The following AUTS2 variants were observed in gnomAD, a reference collection of about 807,000 sequenced individuals.
AUTS2 encodes activator of transcription and developmental regulator AUTS2, also known as autism susceptibility gene 2 protein.
In AUTS2, 17 loss-of-function variants were observed where a neutral mutation model predicts 112.4. The observed-to-expected ratio is 0.15, with a 90% CI of 0.10 to 0.23. The LOEUF (loss-of-function observed/expected upper bound fraction) is 0.23. Ranked by LOEUF, AUTS2 falls within the 10% of genes least tolerant of loss-of-function variation. AUTS2 has a pLI of 1.00. For missense variants in AUTS2, 1,510 were observed against 1,701.6 expected, an observed-to-expected ratio of 0.89 and a Z score of 1.98; for synonymous variants, 751 against 702.7, an observed-to-expected ratio of 1.07 and a Z score of -1.09.
intron 1 of AUTS2, among the ~76,000 whole-genome samples, chr7:69,851,491 C>A (rs905496094): frequency 2.0e-5 from 3 of 152,164 alleles, no homozygotes; most frequent in African/African-American, 7.2e-5. Flanking sequence ...CACAAGCAAT[C>A]CCCCCACCTT....
At chr7:70,066,397 GAC>G (rs1398259768) in intron 2 of AUTS2, among the ~76,000 whole-genome samples, 1 of 152,022 alleles carries the variant, frequency 6.6e-6, no homozygotes, top group Non-Finnish European at 1.5e-5. Flanking sequence ...TCCAAGGGAA[GAC>G]AAATATTTAA....
intron 4 of AUTS2, among the ~76,000 whole-genome samples, chr7:70,239,487 G>A (rs958735316): frequency 6.6e-6 from 1 of 151,976 alleles, no homozygotes; most frequent in Non-Finnish European, 1.5e-5. Context: ...CCAGGCTGGA[G>A]TGCAATGGTG....
chr7:70,670,118 T>TA (rs1445077577), intron 5 of AUTS2, among the ~76,000 whole-genome samples: 3 of 152,216 alleles, frequency 2.0e-5, no homozygotes, highest in African/African-American at 7.2e-5. Flanking sequence ...TGTAGACTGT[T>TA]ACTGTCTGAG....
intron 6 of AUTS2, among the ~76,000 whole-genome samples, chr7:70,728,707 C>CAAAAAA (rs55878540): frequency 3.7e-5 from 3 of 81,626 alleles, no homozygotes; most frequent in African/African-American, 1.6e-4. Flanking sequence ...GACTCTGTCT[C>CAAAAAA]AAAAAAAAAA....
chr7:69,752,845 T>C (rs1358654771), intron 1 of AUTS2, among the ~76,000 whole-genome samples: 1 of 152,082 alleles, frequency 6.6e-6, no homozygotes, highest in Non-Finnish European at 1.5e-5. Context: ...CAGGGGAAAT[T>C]GGAAATGAAG....
At chr7:70,295,103 C>A (rs1280825142) in intron 4 of AUTS2, among the ~76,000 whole-genome samples, 3 of 152,178 alleles carry the variant, frequency 2.0e-5, no homozygotes, top group Non-Finnish European at 2.9e-5. Context: ...TTTCTGCTCC[C>A]AGCTCATAAA....
chr7:70,218,865 CGA>C (rs940352253), intron 4 of AUTS2, among the ~76,000 whole-genome samples: 3 of 152,002 alleles, frequency 2.0e-5, no homozygotes, highest in African/African-American at 7.2e-5. Context: ...GTAGACCTAG[CGA>C]TATGTACCTG....
At chr7:70,361,481 T>C (rs902299326) in intron 4 of AUTS2, among the ~76,000 whole-genome samples, 5 of 152,200 alleles carry the variant, frequency 3.3e-5, no homozygotes, top group African/African-American at 1.2e-4. Flanking sequence ...TCTCCGGGCA[T>C]GTGCTTATGT....
intron 2 of AUTS2, among the ~76,000 whole-genome samples, chr7:70,063,951 C>G (rs1802373229): frequency 6.6e-6 from 1 of 152,100 alleles, no homozygotes; most frequent in Non-Finnish European, 1.5e-5. Context: ...CAAGAGTATG[C>G]CTTTTAGTTA....
At chr7:70,643,208 T>C (rs976624369) in intron 5 of AUTS2, among the ~76,000 whole-genome samples, 8 of 152,186 alleles carry the variant, frequency 5.3e-5, no homozygotes, top group African/African-American at 1.9e-4. Flanking sequence ...GTCTTGCCCT[T>C]AGCTTCGGAC....
At chr7:70,578,514 T>A (rs1483485812) in intron 5 of AUTS2, among the ~76,000 whole-genome samples, 1 of 152,364 alleles carries the variant, frequency 6.6e-6, no homozygotes, top group East Asian at 1.9e-4. Flanking sequence ...TGTAACCCCA[T>A]CTTGCTGAAG....
intron 1 of AUTS2, among the ~76,000 whole-genome samples, chr7:69,649,816 G>A (rs1795212832): frequency 6.6e-6 from 1 of 152,126 alleles, no homozygotes; most frequent in Non-Finnish European, 1.5e-5. Flanking sequence ...CTCGGATTCT[G>A]GCAAATTGCT....
chr7:70,748,206 T>C (rs1193085032), intron 6 of AUTS2, among the ~76,000 whole-genome samples: 1 of 152,136 alleles, frequency 6.6e-6, no homozygotes, highest in East Asian at 1.9e-4. Context: ...CTTCAAAGTT[T>C]ATATTTGAAC....
At chr7:70,610,322 C>A (rs1332820757) in intron 5 of AUTS2, among the ~76,000 whole-genome samples, 1 of 151,772 alleles carries the variant, frequency 6.6e-6, no homozygotes, top group Non-Finnish European at 1.5e-5. Context: ...TTTTGAGGAA[C>A]CTCCCTGTTG....
intron 5 of AUTS2, among the ~76,000 whole-genome samples, chr7:70,465,743 C>T (rs950032654): frequency 1.3e-5 from 2 of 152,172 alleles, no homozygotes; most frequent in African/African-American, 2.4e-5. Context: ...ACATACAACA[C>T]GTGTTCTTCT....
intron 1 of AUTS2, among the ~76,000 whole-genome samples, chr7:69,600,660 T>C (rs77948125): frequency 6.8e-6 from 1 of 147,726 alleles, no homozygotes; most frequent in East Asian, 2.0e-4. Flanking sequence ...CTGTATGGGG[T>C]TCTGTTACAG....
At chr7:70,329,351 C>T (rs1562884222) in intron 4 of AUTS2, among the ~76,000 whole-genome samples, 1 of 152,036 alleles carries the variant, frequency 6.6e-6, no homozygotes, top group African/African-American at 2.4e-5. Flanking sequence ...TGAAGATTGC[C>T]GAACTATTTT....
intron 4 of AUTS2, among the ~76,000 whole-genome samples, chr7:70,317,986 C>G (rs977110574): frequency 2.0e-5 from 3 of 152,130 alleles, no homozygotes; most frequent in African/African-American, 7.2e-5. Flanking sequence ...TCATGACTTG[C>G]TACCTTTAGA....
chr7:70,774,341 T>A, intron 12 of AUTS2: 1 of 513,398 alleles, frequency 1.9e-6, no homozygotes, highest in Non-Finnish European at 3.5e-6. Context: ...TGAGTTACGG[T>A]CTGAGCCCAG....
Sources: gnomAD v4.1 joint callset for allele counts (sites outside exome capture counted in the v4.1 genomes callset) on GRCh38, gnomAD v4.1.1 for gene constraint, MANE v1.5 for transcripts, NCBI Gene and HGNC (gene_info 2026-07-23, HGNC 2026-07-21) for gene names.